Variants in ADGRL1 observed in about 807,000 individuals in gnomAD.
ADGRL1 encodes the protein CIRL-1.
A neutral mutation model predicts 148.9 loss-of-function variants in ADGRL1; 31 were observed. The ratio of observed to expected loss-of-function variants is 0.21; its 90% CI spans 0.16 to 0.28. The LOEUF is 0.28. Ranked by LOEUF, ADGRL1 falls within the 10% of genes least tolerant of loss-of-function variation. ADGRL1 has a pLI of 1.00. For missense variants in ADGRL1, 1,521 were observed against 2,058.8 expected, an observed-to-expected ratio of 0.74 and a Z score of 5.05; for synonymous variants, 937 against 900.3, an observed-to-expected ratio of 1.04 and a Z score of -0.73.
In ADGRL1 at chr19:14,160,492, C is replaced by T; in HGVS notation, c.1614+101G>A. On this transcript the variant is annotated intron_variant, in intron 7 of 22. Transcript: ENST00000361434. The surrounding 1 kb of genome is among the most constrained non-coding windows in gnomAD (Gnocchi z 5.9). ...TGACCCCACAGTCCTGCCTTCCAGACCTGCCAGCCCATGTCTCCCCAGCTG... is the reference window on the plus strand; with the variant it reads ...TGACCCCACAGTCCTGCCTTCCAGATCTGCCAGCCCATGTCTCCCCAGCTG... 1.0e-6 allele frequency: 1 copy of T among 1,001,378 alleles called. No homozygotes were observed. The highest frequency in any genetic ancestry group is 1.7e-5 in the South Asian group (1 of 59,962). The allele number at this position is 1,001,378 out of a possible 1,614,324, so 62.0% of individuals were successfully genotyped here. A position where few individuals can be genotyped will look rare whatever the true frequency, so the allele number is the denominator to read the frequency against.
At chr19:14,177,506 G>C in intron 3 of ADGRL1, 25 bp downstream of exon 3, 2 of 1,604,336 alleles carry the variant, frequency 1.2e-6, no homozygotes, top group Non-Finnish European at 1.7e-6. Flanking sequence ...ACTTCATCCA[G>C]GAACTGCCAC....
At chr19:14,177,431 AT>A in intron 3 of ADGRL1, 99 bp downstream of exon 3, 2 of 1,079,706 alleles carry the variant, frequency 1.9e-6, no homozygotes, top group Admixed American at 3.5e-5. Flanking sequence ...CATGTGTTGA[AT>A]GCATAAAAAA....
At chr19:14,166,638 G>A (rs1316174332) in intron 4 of ADGRL1, among the ~76,000 whole-genome samples, 1 of 152,078 alleles carries the variant, frequency 6.6e-6, no homozygotes, top group Non-Finnish European at 1.5e-5. Flanking sequence ...AGCCGGGGAA[G>A]GGAGTCCCTC....
intron 1 of ADGRL1, among the ~76,000 whole-genome samples, chr19:14,184,129 G>A (rs911708874): frequency 1.3e-5 from 2 of 152,124 alleles, no homozygotes; most frequent in African/African-American, 4.8e-5. Context: ...TCCCCGTCTT[G>A]GGCAGAAATC....
intron 1 of ADGRL1, among the ~76,000 whole-genome samples, chr19:14,184,481 G>A (rs1439290402): frequency 6.6e-6 from 1 of 151,318 alleles, no homozygotes; most frequent in Non-Finnish European, 1.5e-5. Flanking sequence ...TGCCCAGGCT[G>A]GAGTGCAATG....
chr19:14,159,026 G>A lies in ADGRL1; in HGVS notation c.2149+64C>T. On this transcript the variant is annotated intron_variant, in intron 11 of 22. Transcript: ENST00000361434. This position sits in a 1 kb window ranked among gnomAD's most constrained non-coding sequence, Gnocchi z 6.0. ...CTCTACAAATGGCACAGAGACGCTG[G>A]CACAGAGCTGGGGGGTGGGGGTGGG... The A allele has an allele frequency of 1.3e-6, 2 of 1,577,524 alleles. No individual in the cohort carries two copies. Among genetic ancestry groups the A allele is most frequent in the Non-Finnish European group, 1.7e-6 (2 of 1,152,600 alleles).
At chr19:14,156,582 CG>C in intron 16 of ADGRL1, 75 bp downstream of exon 16, 1 of 855,544 alleles carries the variant, frequency 1.2e-6, no homozygotes, top group Non-Finnish European at 1.6e-6. Context: ...GGGTGGGGGG[CG>C]GGGGCAGGGG....
chr19:14,178,324 G>C (rs1970958608), intron 2 of ADGRL1, among the ~76,000 whole-genome samples: 1 of 151,972 alleles, frequency 6.6e-6, no homozygotes, highest in Non-Finnish European at 1.5e-5. Context: ...GAGCAATATA[G>C]TGAAACCCTG....
At chr19:14,186,171 G>A (rs1257389791) in intron 1 of ADGRL1, among the ~76,000 whole-genome samples, 1 of 152,058 alleles carries the variant, frequency 6.6e-6, no homozygotes, top group African/African-American at 2.4e-5. Context: ...TGATCCTCCC[G>A]CCTCGGCCTC....
chr19:14,163,297 G>A lies in ADGRL1; in HGVS notation c.504C>T (p.Arg168=), dbSNP rs1168481370. Residue 168 remains arginine, a synonymous_variant, in exon 5 of 23, where the codon CGC becomes CGT. Coordinates refer to ENST00000361434, the MANE Select transcript of ADGRL1 (RefSeq NM_014921.5). ...WCKDPLQAGD[R]IYVMPWIPYR... ...AGGGGATCCAGGGCATCACGTAGATGCGGTCACCCGCCTGCAGCGGGTCCT... is the reference window on the plus strand; with the variant it reads ...AGGGGATCCAGGGCATCACGTAGATACGGTCACCCGCCTGCAGCGGGTCCT... 1 of 1,613,306 alleles carries A rather than the reference G, an allele frequency of 6.2e-7. No homozygotes were observed. Among genetic ancestry groups the A allele is most frequent in the African/African-American group, 1.3e-5 (1 of 74,926 alleles).
intron 1 of ADGRL1, among the ~76,000 whole-genome samples, chr19:14,200,125 C>T (rs1246449054): frequency 3.9e-5 from 6 of 152,158 alleles, no homozygotes; most frequent in Admixed American, 1.3e-4. Context: ...GAGAGGAGCA[C>T]GCAGGTGTTC....
At chr19:14,183,734 C>A (rs41276904) in intron 1 of ADGRL1, 37 bp from the exon 2 acceptor site, 5 of 760,338 alleles carry the variant, frequency 6.6e-6, no homozygotes, top group Non-Finnish European at 1.0e-5. Context: ...GGGGATAGGG[C>A]CTCCAGGCCG....
intron 4 of ADGRL1, among the ~76,000 whole-genome samples, chr19:14,166,573 AGAGAGAGAAAG>A (rs1969983161): frequency 1.3e-5 from 2 of 148,752 alleles, no homozygotes; most frequent in Non-Finnish European, 3.0e-5. Context: ...AGAGAGAGAG[AGAGAGAGAAAG>A]AGAGAGAGAG....
chr19:14,199,089 C>T (rs1972442156), intron 1 of ADGRL1, among the ~76,000 whole-genome samples: 1 of 152,212 alleles, frequency 6.6e-6, no homozygotes, highest in Non-Finnish European at 1.5e-5. Context: ...TGGTGCCTAG[C>T]AGGGCAGGAG....
chr19:14,166,899 C>T (rs552221382), intron 4 of ADGRL1: 14 of 1,097,218 alleles, frequency 1.3e-5, no homozygotes, highest in East Asian at 7.2e-5. Flanking sequence ...GGATACCGAC[C>T]GGACCAAGTG....
At chr19:14,205,825 C>A (rs1972969500) in intron 1 of ADGRL1, among the ~76,000 whole-genome samples, 160 bp downstream of exon 1, 1 of 151,704 alleles carries the variant, frequency 6.6e-6, no homozygotes, top group Admixed American at 6.6e-5. Flanking sequence ...ACGCCCCTCC[C>A]GCTCAGGTGC....
chr19:14,171,039 G>A (rs750109345), intron 3 of ADGRL1: 33 of 443,902 alleles, frequency 7.4e-5, no homozygotes, highest in Admixed American at 2.6e-4. Flanking sequence ...CTAATGAATG[G>A]TTTATCACCA....
Position 14,160,920 on chromosome 19 carries a change from G to A in ADGRL1, c.1511-224C>T, listed in dbSNP as rs534710572. Among the ~76,000 whole-genome samples the A allele has an allele frequency of 3.9e-4, 59 of 152,260 alleles. No individual in the cohort carries two copies. The highest frequency in any genetic ancestry group is 1.3e-3 in the African/African-American group (52 of 41,534). On this transcript the variant is annotated intron_variant, in intron 6 of 22. Transcript: ENST00000361434. The surrounding 1 kb of genome is among the most constrained non-coding windows in gnomAD (Gnocchi z 5.9). ...CTGCCCCCTTCTGTCTTTGCCTCCA[G>A]AGTTAGAACCTTCCAGCAAGGCCCA... is the stretch of plus-strand genomic sequence containing the variant.
Position 14,163,008 on chromosome 19 carries a change from G to A in ADGRL1, c.793C>T (p.Leu265=), listed in dbSNP as rs766862124. Residue 265 remains leucine (L), a synonymous_variant, in exon 5 of 23, where the codon CTG becomes TTG. Coordinates refer to ENST00000361434, the MANE Select transcript of ADGRL1 (RefSeq NM_014921.5). ...YRWGGKTDID[L]AVDENGLWVI... ...CACAGCCCGTTCTCGTCCACCGCCA[G>A]GTCAATGTCGGTCTTTCCGCCCCAG... 1.2e-6 allele frequency: 2 copies of A among 1,614,108 alleles called. No homozygotes were observed. Among genetic ancestry groups the A allele is most frequent in the South Asian group, 1.1e-5 (1 of 91,080 alleles).
Sources: allele counts gnomAD v4.1 joint callset (sites outside exome capture counted in the v4.1 genomes callset), GRCh38; gene constraint gnomAD v4.1.1; non-coding constraint Gnocchi (gnomAD v3.1); transcripts MANE v1.5; gene names NCBI Gene and HGNC (gene_info 2026-07-23, HGNC 2026-07-21).